Variants in GRIN2A observed in about 807,000 individuals in gnomAD.
The protein encoded by GRIN2A is glutamate receptor ionotropic, NMDA 2A.
A neutral mutation model predicts 113.4 loss-of-function variants in GRIN2A; 22 were observed. The observed-to-expected ratio is 0.19, with a 90% CI of 0.14 to 0.28. GRIN2A has a LOEUF of 0.28. Ranked by LOEUF, GRIN2A falls within the 10% of genes least tolerant of loss-of-function variation. The pLI, the probability that GRIN2A is intolerant of heterozygous loss-of-function variation, is 1.00. For missense variants in GRIN2A, 1,502 were observed against 1,887.0 expected, an observed-to-expected ratio of 0.80 and a Z score of 3.78; for synonymous variants, 827 against 738.4, an observed-to-expected ratio of 1.12 and a Z score of -1.94.
At chr16:10,057,860 G>A (rs543700127) in intron 2 of GRIN2A, among the ~76,000 whole-genome samples, 31 of 152,320 alleles carry the variant, frequency 2.0e-4, no homozygotes, top group East Asian at 1.7e-3. Context: ...GACATCACTC[G>A]TTCATTTTAA....
At chr16:9,812,495 C>T (rs918539095) in intron 10 of GRIN2A, among the ~76,000 whole-genome samples, 8 of 151,966 alleles carry the variant, frequency 5.3e-5, no homozygotes, top group South Asian at 2.1e-4. Context: ...AAAAATTAAC[C>T]GGGTGTGGTG....
intron 2 of GRIN2A, among the ~76,000 whole-genome samples, chr16:10,001,866 C>A (rs1044071744): frequency 2.6e-5 from 4 of 152,118 alleles, no homozygotes; most frequent in African/African-American, 4.8e-5. Context: ...CCACAACGGC[C>A]TTTGAGAATA....
chr16:10,059,484 C>T (rs1324734867), intron 2 of GRIN2A, among the ~76,000 whole-genome samples: 1 of 152,044 alleles, frequency 6.6e-6, no homozygotes, highest in Non-Finnish European at 1.5e-5. Flanking sequence ...GTGCAGGATT[C>T]AGCTACCCCT....
At chr16:9,858,680 T>A (rs1238734607) in intron 4 of GRIN2A, among the ~76,000 whole-genome samples, 1 of 152,222 alleles carries the variant, frequency 6.6e-6, no homozygotes, top group Non-Finnish European at 1.5e-5. Context: ...AACTAATTGC[T>A]CTTCAGCTCC....
intron 2 of GRIN2A, among the ~76,000 whole-genome samples, chr16:10,167,279 G>A (rs2049945169): frequency 6.6e-6 from 1 of 152,070 alleles, no homozygotes; most frequent in Non-Finnish European, 1.5e-5. Flanking sequence ...ATTTTAAAGT[G>A]GTCCCCAACT....
intron 11 of GRIN2A, among the ~76,000 whole-genome samples, chr16:9,771,808 A>C (rs936658486): frequency 7.9e-5 from 12 of 152,066 alleles, no homozygotes; most frequent in African/African-American, 2.9e-4. Flanking sequence ...TGTATGGAAA[A>C]ATTTTTACTT....
intron 2 of GRIN2A, among the ~76,000 whole-genome samples, chr16:9,994,320 C>A (rs2046182074): frequency 6.6e-6 from 1 of 152,170 alleles, no homozygotes; most frequent in South Asian, 2.1e-4. Flanking sequence ...CCCCCATCTT[C>A]TCTGTACTCA....
chr16:10,128,070 G>GGTAAAA (rs2048983027), intron 2 of GRIN2A, among the ~76,000 whole-genome samples: 1 of 152,216 alleles, frequency 6.6e-6, no homozygotes, highest in South Asian at 2.1e-4. Flanking sequence ...CCAAGGCTCA[G>GGTAAAA]TGAGCTTCCC....
chr16:9,989,858 G>A (rs1272432057), intron 2 of GRIN2A, among the ~76,000 whole-genome samples: 1 of 152,106 alleles, frequency 6.6e-6, no homozygotes, highest in African/African-American at 2.4e-5. Flanking sequence ...CAGTCAGAAT[G>A]GCTATTATTA....
intron 2 of GRIN2A, among the ~76,000 whole-genome samples, chr16:10,035,809 T>C (rs975789423): frequency 5.3e-5 from 8 of 151,708 alleles, no homozygotes; most frequent in African/African-American, 1.9e-4. Context: ...CTGCAAACTC[T>C]GCCTCCTGGG....
intron 10 of GRIN2A, among the ~76,000 whole-genome samples, chr16:9,806,708 G>A (rs1163342192): frequency 6.6e-6 from 1 of 151,484 alleles, no homozygotes; most frequent in African/African-American, 2.4e-5. Flanking sequence ...AGAGATGTTA[G>A]TAAGGTACAG....
At chr16:9,956,037 C>T (rs944504414) in intron 2 of GRIN2A, among the ~76,000 whole-genome samples, 2 of 152,134 alleles carry the variant, frequency 1.3e-5, no homozygotes, top group African/African-American at 4.8e-5. Flanking sequence ...TTCTGTTGTT[C>T]GGACTCATGA....
At chr16:9,897,240 G>T (rs143957234) in intron 3 of GRIN2A, among the ~76,000 whole-genome samples, 7 of 103,010 alleles carry the variant, frequency 6.8e-5, no homozygotes, top group Non-Finnish European at 1.4e-4. Flanking sequence ...CATAAAATAC[G>T]TACATATATA....
intron 2 of GRIN2A, among the ~76,000 whole-genome samples, chr16:10,160,099 G>T (rs1056857701): frequency 2.0e-5 from 3 of 152,170 alleles, no homozygotes; most frequent in Admixed American, 6.5e-5. Context: ...GCTGTAAGAG[G>T]GTAAAAGTGC....
At chr16:10,044,020 TATAG>T (rs1224307495) in intron 2 of GRIN2A, among the ~76,000 whole-genome samples, 1 of 116,898 alleles carries the variant, frequency 8.6e-6, no homozygotes, top group Non-Finnish European at 1.7e-5. Flanking sequence ...TATATATATA[TATAG>T]AGAGAGAGAG....
At chr16:10,058,100 C>T (rs1417555729) in intron 2 of GRIN2A, among the ~76,000 whole-genome samples, 1 of 151,840 alleles carries the variant, frequency 6.6e-6, no homozygotes, top group Non-Finnish European at 1.5e-5. Flanking sequence ...ACTAAAAATA[C>T]AAAAATCAGC....
chr16:9,928,432 C>A (rs2044513949), intron 3 of GRIN2A, among the ~76,000 whole-genome samples: 1 of 152,190 alleles, frequency 6.6e-6, no homozygotes, highest in African/African-American at 2.4e-5. Flanking sequence ...GCATGCTTCT[C>A]CCTTTTGGTA....
At chr16:9,953,229 A>G (rs1596357856) in intron 2 of GRIN2A, among the ~76,000 whole-genome samples, 1 of 152,172 alleles carries the variant, frequency 6.6e-6, no homozygotes, top group Non-Finnish European at 1.5e-5. Context: ...CAACTCATGG[A>G]TCGGATTGGC....
chr16:10,146,149 G>C (rs991991562), intron 2 of GRIN2A, among the ~76,000 whole-genome samples: 1 of 151,960 alleles, frequency 6.6e-6, no homozygotes, highest in Admixed American at 6.6e-5. Flanking sequence ...ATGGAGTCTC[G>C]CTCTGTCGCC....
Sources: gnomAD v4.1 joint callset for allele counts (sites outside exome capture counted in the v4.1 genomes callset) on GRCh38, gnomAD v4.1.1 for gene constraint, MANE v1.5 for transcripts, NCBI Gene and HGNC (gene_info 2026-07-23, HGNC 2026-07-21) for gene names.